Variants in DOCK4 observed in about 807,000 individuals in gnomAD.
DOCK4 encodes dedicator of cytokinesis 4.
DOCK4 carries 97 observed loss-of-function variants against 268.1 expected under a neutral mutation model. That is an observed-to-expected ratio of 0.36 (90% CI 0.31 to 0.43). The LOEUF (loss-of-function observed/expected upper bound fraction) is 0.43. Ranked by LOEUF, DOCK4 falls within the 20% of genes least tolerant of loss-of-function variation. The pLI is 1.00. For synonymous variants in DOCK4, 954 were observed against 887.2 expected, an observed-to-expected ratio of 1.08 and a Z score of -1.34; for missense variants, 2,145 against 2,455.7, an observed-to-expected ratio of 0.87 and a Z score of 2.67.
chr7:111,742,642 A>AAAAAC (rs1795995848), intron 44 of DOCK4, among the ~76,000 whole-genome samples: 1 of 152,224 alleles, frequency 6.6e-6, no homozygotes, highest in African/African-American at 2.4e-5. Flanking sequence ...GGAGGATGGA[A>AAAAAC]AAAACAAAAC....
intron 3 of DOCK4, 128 bp downstream of exon 3, chr7:112,000,366 A>C (rs1355956364): frequency 3.4e-6 from 2 of 582,068 alleles, no homozygotes; most frequent in African/African-American, 1.9e-5. Context: ...CAAAATTATA[A>C]AAATTTGCAA....
In DOCK4 at chr7:111,833,476, TC is replaced by T. The variant is rs536983939; in HGVS notation, c.2835+1111del. On this transcript the variant is annotated intron_variant, in intron 26 of 52. Transcript: ENST00000428084. ...GGAGGATTGTCTGAGCCTAGGAGTTTCAGGATGCAGTGAGCCATGATTGTAC... is the reference window on the plus strand; with the variant it reads ...GGAGGATTGTCTGAGCCTAGGAGTTTAGGATGCAGTGAGCCATGATTGTAC... 6.6e-5 allele frequency among the ~76,000 whole-genome samples: 10 copies of T among 151,914 alleles called. No homozygotes were observed. In the South Asian group the frequency reaches 2.1e-3, roughly 32 times the overall value.
chr7:111,742,070 G>A lies in DOCK4; in HGVS notation c.4740C>T (p.Pro1580=), dbSNP rs530902967. The part of the protein sequence containing the change: ...HEKFVPQDMR[P]LHKKLVDQFF... Reference sequence around the variant, plus strand: ...ATTGGTCAACCAGCTTTTTGTGAAGGGGTCTCATATCTTGAGGTACAAACT... The same window carrying A: ...ATTGGTCAACCAGCTTTTTGTGAAGAGGTCTCATATCTTGAGGTACAAACT... The change falls in exon 45 of 53, where the codon CCC becomes CCT. Residue 1580 remains proline, a synonymous_variant. Transcript: ENST00000428084. 5 of 1,609,278 alleles carry A rather than the reference G, an allele frequency of 3.1e-6. No homozygotes were observed. The highest frequency in any genetic ancestry group is 4.2e-6 in the Non-Finnish European group (5 of 1,177,986).
intron 1 of DOCK4, among the ~76,000 whole-genome samples, chr7:112,146,168 G>A (rs1815471734): frequency 6.6e-6 from 1 of 152,290 alleles, no homozygotes; most frequent in East Asian, 1.9e-4. Context: ...ACTCACCTTT[G>A]AAAAGTGGCT....
At chr7:111,974,630 G>A (rs909510446) in intron 8 of DOCK4, among the ~76,000 whole-genome samples, 1 of 151,010 alleles carries the variant, frequency 6.6e-6, no homozygotes, top group Non-Finnish European at 1.5e-5. Context: ...GCAGAAGTGA[G>A]AGGGAAAAGT....
intron 10 of DOCK4, among the ~76,000 whole-genome samples, chr7:111,943,343 A>G (rs1462986726): frequency 6.6e-6 from 1 of 152,230 alleles, no homozygotes; most frequent in East Asian, 1.9e-4. Flanking sequence ...AGTGAAGTCC[A>G]TGGGCCAGAA....
At chr7:111,873,745 C>T (rs1436168947) in intron 17 of DOCK4, among the ~76,000 whole-genome samples, 1 of 151,888 alleles carries the variant, frequency 6.6e-6, no homozygotes, top group Admixed American at 6.6e-5. Context: ...TCCACCAAAG[C>T]CAGATTCAAG....
intron 22 of DOCK4, among the ~76,000 whole-genome samples, chr7:111,866,383 C>G (rs1418455524): frequency 6.6e-6 from 1 of 152,182 alleles, no homozygotes; most frequent in Non-Finnish European, 1.5e-5. Flanking sequence ...GTAAGTGATA[C>G]TGCACAAAAT....
At chr7:111,969,392 C>T (rs993497326) in intron 8 of DOCK4, among the ~76,000 whole-genome samples, 4 of 147,238 alleles carry the variant, frequency 2.7e-5, no homozygotes, top group Admixed American at 1.3e-4. Flanking sequence ...ATCTCCTTTG[C>T]ATCTACAAAA....
At chr7:111,731,874 G>T (rs1040184356) in intron 52 of DOCK4, among the ~76,000 whole-genome samples, 1 of 152,062 alleles carries the variant, frequency 6.6e-6, no homozygotes, top group Non-Finnish European at 1.5e-5. Flanking sequence ...GTGTGTGTGT[G>T]TTTGATGTAC....
At chr7:111,908,847 C>T (rs1791842055) in intron 13 of DOCK4, among the ~76,000 whole-genome samples, 1 of 152,112 alleles carries the variant, frequency 6.6e-6, no homozygotes, top group Non-Finnish European at 1.5e-5. Context: ...CATGTCCCTG[C>T]AAAGGACATG....
At chr7:112,166,593 GATTT>G (rs1817635187) in intron 1 of DOCK4, among the ~76,000 whole-genome samples, 1 of 152,098 alleles carries the variant, frequency 6.6e-6, no homozygotes, top group African/African-American at 2.4e-5. Context: ...TTTCATAGAG[GATTT>G]ATTTTAAATT....
chr7:112,012,137 C>G (rs892228746), intron 1 of DOCK4, among the ~76,000 whole-genome samples: 2 of 151,954 alleles, frequency 1.3e-5, no homozygotes, highest in Non-Finnish European at 1.5e-5. Flanking sequence ...TAATTGTTAA[C>G]TGGAAATTTG....
intron 13 of DOCK4, 75 bp downstream of exon 13, chr7:111,915,704 T>C (rs536505728): frequency 6.5e-7 from 1 of 1,529,696 alleles, no homozygotes; most frequent in South Asian, 1.3e-5. Flanking sequence ...GCTGGCAATT[T>C]GAAAAATTTC....
At chr7:112,115,634 C>T (rs1812064428) in intron 1 of DOCK4, among the ~76,000 whole-genome samples, 1 of 31,718 alleles carries the variant, frequency 3.2e-5, no homozygotes, top group Admixed American at 2.6e-4. Flanking sequence ...TCCACCCATT[C>T]ATCCATCCAT....
At chr7:111,845,031 G>C in intron 24 of DOCK4, 134 bp from the exon 25 acceptor site, 1 of 1,241,958 alleles carries the variant, frequency 8.1e-7, no homozygotes, top group Non-Finnish European at 1.1e-6. Flanking sequence ...TCCTTTTACA[G>C]TAAACAAAGG....
intron 1 of DOCK4, among the ~76,000 whole-genome samples, chr7:112,186,208 A>C (rs2189289): frequency 0.097 from 14,766 of 152,274 alleles, 850 homozygotes; most frequent in Admixed American, 0.16. Flanking sequence ...GGTTTCAGGG[A>C]ACCTGTGCTT....
chr7:111,945,754 G>A lies in DOCK4; in HGVS notation c.746C>T (p.Ala249Val), dbSNP rs1482031901. The A allele has an allele frequency of 1.3e-6, 2 of 1,598,668 alleles. No homozygotes were observed. Among genetic ancestry groups the A allele is most frequent in the African/African-American group, 1.3e-5 (1 of 74,714 alleles). Residue 249 changes from alanine to valine, a missense_variant, in exon 9 of 53, where the codon GCC becomes GTC. Around this residue, in one of 2 missense-constraint regions of DOCK4, gnomAD observed 1,598 missense variants for 1,986.7 expected, o/e 0.80. Coordinates refer to ENST00000428084, the MANE Select transcript of DOCK4 (RefSeq NM_001363540.2). ...LRLNRNGLPK[A>V]PDKPERHCSL... Reference sequence around the variant, plus strand: ...GCAATGTCGTTCCGGTTTATCAGGGGCTTTGGGAAGCCCGTTTCTATTCAG... The same window carrying A: ...GCAATGTCGTTCCGGTTTATCAGGGACTTTGGGAAGCCCGTTTCTATTCAG...
At position 111,769,689 on chromosome 7, in the gene DOCK4, G is replaced by A. The variant is rs763036278; in HGVS notation, c.3680-12C>T. 19 of 1,611,462 alleles carry A rather than the reference G, an allele frequency of 1.2e-5. No homozygotes were observed. In the East Asian group the frequency reaches 2.0e-4, roughly 17 times the overall value. On this transcript the variant is annotated splice_polypyrimidine_tract_variant and intron_variant, in intron 36 of 52. Coordinates refer to ENST00000428084, the MANE Select transcript of DOCK4 (RefSeq NM_001363540.2). ...GGTATATGCAGCTTCTGCAAGTCAC[G>A]TGAGAAGACAATGATTGAGACAGGA... is the stretch of plus-strand genomic sequence containing the variant.
Sources: gnomAD v4.1 joint callset for allele counts (sites outside exome capture counted in the v4.1 genomes callset) on GRCh38, gnomAD v4.1.1 for gene constraint, gnomAD v4.1.1 regional missense constraint, MANE v1.5 for transcripts, NCBI Gene and HGNC (gene_info 2026-07-23, HGNC 2026-07-21) for gene names.